The following SEL1L2 variants were observed in gnomAD, a reference collection of about 807,000 sequenced individuals.
SEL1L2 encodes the protein protein sel-1 homolog 2.
SEL1L2 carries 89 observed loss-of-function variants against 98.8 expected under a neutral mutation model. The observed-to-expected ratio is 0.90, with a 90% CI of 0.76 to 1.07. The LOEUF (loss-of-function observed/expected upper bound fraction) is 1.07. Ranked by LOEUF, SEL1L2 falls within the 50% of genes least tolerant of loss-of-function variation. SEL1L2 has a pLI of 0.00. For missense variants in SEL1L2, 788 were observed against 812.0 expected, an observed-to-expected ratio of 0.97 and a Z score of 0.36; for synonymous variants, 262 against 278.5, an observed-to-expected ratio of 0.94 and a Z score of 0.59.
intron 15 of SEL1L2, among the ~76,000 whole-genome samples, chr20:13,865,812 G>A (rs1434961370): frequency 7.1e-6 from 1 of 140,338 alleles, no homozygotes; most frequent in Non-Finnish European, 1.6e-5. Flanking sequence ...GAATAAGAAT[G>A]TATCGCTAGT....
chr20:13,853,533 C>T (rs567133165), intron 18 of SEL1L2, among the ~76,000 whole-genome samples: 31 of 152,214 alleles, frequency 2.0e-4, no homozygotes, highest in African/African-American at 5.5e-4. Context: ...ATATTTTTAA[C>T]GGTTGCAGAG....
At chr20:13,984,043 TCTCTGTCACCCAGG>T (rs2052012470) in intron 1 of SEL1L2, among the ~76,000 whole-genome samples, 1 of 149,204 alleles carries the variant, frequency 6.7e-6, no homozygotes, top group African/African-American at 2.5e-5. Flanking sequence ...TGAGTTGAAG[TCTCTGTCACCCAGG>T]CTTGAGTGCA....
At position 13,956,142 on chromosome 20, in the gene SEL1L2, CA is replaced by C; in HGVS notation, c.59-12del. ...CCTCTGCTTTGATAGCTGCAATACA[CA>C]AAATTTTTTTATAAAATTTAAAAGC... On this transcript the variant is annotated splice_polypyrimidine_tract_variant and intron_variant, in intron 1 of 19. Transcript: ENST00000284951. 1 of 1,429,734 alleles carries C rather than the reference CA, an allele frequency of 7.0e-7. No homozygotes were observed. The highest frequency in any genetic ancestry group is 9.5e-7 in the Non-Finnish European group (1 of 1,051,864). The allele number at this position is 1,429,734 out of a possible 1,614,324, so 88.6% of individuals were successfully genotyped here.
chr20:13,987,163 A>AT (rs1232999687), intron 1 of SEL1L2, among the ~76,000 whole-genome samples: 2 of 151,790 alleles, frequency 1.3e-5, no homozygotes, highest in Non-Finnish European at 2.9e-5. Flanking sequence ...CACCGCAATT[A>AT]TTTTTGCACC....
At chr20:13,939,041 T>G (rs6135029) in intron 2 of SEL1L2, among the ~76,000 whole-genome samples, 876 of 6,526 alleles carry the variant, frequency 0.13, 54 homozygotes, top group Non-Finnish European at 0.2. Context: ...GCTTGTTTTG[T>G]TTTTTTTTTT....
intron 12 of SEL1L2, among the ~76,000 whole-genome samples, chr20:13,873,025 C>G (rs1321853462): frequency 2.0e-5 from 3 of 149,472 alleles, no homozygotes; most frequent in African/African-American, 7.4e-5. Flanking sequence ...GACTCTTGCT[C>G]TATCACCCAT....
intron 12 of SEL1L2, 158 bp from the exon 13 acceptor site, chr20:13,870,361 T>C (rs1002104269): frequency 5.3e-6 from 3 of 561,896 alleles, no homozygotes; most frequent in African/African-American, 3.8e-5. Context: ...CCTTTTATAC[T>C]TTCATAAACC....
chr20:13,881,675 T>C (rs1291255359), intron 10 of SEL1L2, among the ~76,000 whole-genome samples: 1 of 152,164 alleles, frequency 6.6e-6, no homozygotes, highest in East Asian at 1.9e-4. Flanking sequence ...TGACAACTCA[T>C]GAGAGAGATT....
chr20:13,895,266 A>T (rs904147191), intron 5 of SEL1L2, among the ~76,000 whole-genome samples: 1 of 152,096 alleles, frequency 6.6e-6, no homozygotes, highest in Non-Finnish European at 1.5e-5. Flanking sequence ...AACATGGCAA[A>T]ACCTTGTCTC....
At chr20:13,878,883 G>A (rs1282438811) in intron 10 of SEL1L2, among the ~76,000 whole-genome samples, 2 of 152,184 alleles carry the variant, frequency 1.3e-5, no homozygotes, top group South Asian at 2.1e-4. Flanking sequence ...CAGTGAGATA[G>A]TAGGTAATAG....
intron 5 of SEL1L2, among the ~76,000 whole-genome samples, chr20:13,897,827 T>C (rs1188793372): frequency 6.6e-6 from 1 of 151,856 alleles, no homozygotes; most frequent in East Asian, 1.9e-4. Context: ...ATCGTGCCAC[T>C]GCACTCCAGC....
chr20:13,880,381 T>C (rs187553989), intron 10 of SEL1L2, among the ~76,000 whole-genome samples: 1 of 152,214 alleles, frequency 6.6e-6, no homozygotes, highest in Non-Finnish European at 1.5e-5. Context: ...CCTAAAGGAA[T>C]TGAGACTCTG....
rs778420101 is a variant in SEL1L2 at position 13,885,372 on chromosome 20, C to A, written c.932G>T (p.Arg311Met). The change falls in exon 10 of 20, where the codon AGG (arginine) becomes ATG (methionine). Residue 311 changes from arginine to methionine, a missense_variant. Transcript: ENST00000284951. Reference protein sequence around the residue: ...VSLGQLHLIGRKGLDQDYYKA... With the variant: ...VSLGQLHLIGMKGLDQDYYKA... ...GTAGTAATCCTGATCTAGACCTTTC[C>A]TGCCAATTAGATGTAATTGTCCAAG... 3 of 1,605,884 alleles carry A rather than the reference C, an allele frequency of 1.9e-6. No homozygotes were observed. In the Admixed American group the frequency reaches 5.0e-5, roughly 27 times the overall value.
At chr20:13,970,658 C>G (rs2051243485) in intron 1 of SEL1L2, among the ~76,000 whole-genome samples, 1 of 152,060 alleles carries the variant, frequency 6.6e-6, no homozygotes, top group African/African-American at 2.4e-5. Context: ...CATGGTGAAA[C>G]ATTGTCTCTA....
chr20:13,851,765 C>T (rs1988297786), intron 18 of SEL1L2, among the ~76,000 whole-genome samples: 1 of 151,990 alleles, frequency 6.6e-6, no homozygotes. Flanking sequence ...TTTTCACAAA[C>T]TGTGGTCATC....
At position 13,865,260 on chromosome 20, in the gene SEL1L2, C is replaced by T; in HGVS notation, c.1571-19G>A. 1 of 1,611,678 alleles carries T rather than the reference C, an allele frequency of 6.2e-7. No individual in the cohort carries two copies. Reference sequence around the variant, plus strand: ...GCCTTTTCTAAAAAGAGGAGACATTCCATTAGGAAGGCTTAAAATGCCTCT... The same window carrying T: ...GCCTTTTCTAAAAAGAGGAGACATTTCATTAGGAAGGCTTAAAATGCCTCT... On this transcript the variant is annotated intron_variant, in intron 16 of 19. Transcript: ENST00000284951.
intron 1 of SEL1L2, among the ~76,000 whole-genome samples, chr20:13,984,258 C>T (rs1003986916): frequency 6.6e-6 from 1 of 152,082 alleles, no homozygotes; most frequent in African/African-American, 2.4e-5. Context: ...GTGATCTGCC[C>T]GCCTTGGCCT....
intron 9 of SEL1L2, among the ~76,000 whole-genome samples, chr20:13,885,724 G>A (rs879718230): frequency 4.6e-5 from 7 of 152,250 alleles, no homozygotes; most frequent in Admixed American, 4.6e-4. Flanking sequence ...CTGGATTGCC[G>A]TAGTTTATTC....
chr20:13,966,261 GTGTT>G (rs1420139580), intron 1 of SEL1L2, among the ~76,000 whole-genome samples: 1 of 152,036 alleles, frequency 6.6e-6, no homozygotes, highest in Non-Finnish European at 1.5e-5. Flanking sequence ...TCATCAATTG[GTGTT>G]TGTTTTCTTC....
Sources: allele counts gnomAD v4.1 joint callset (sites outside exome capture counted in the v4.1 genomes callset), GRCh38; gene constraint gnomAD v4.1.1; transcripts MANE v1.5; gene names NCBI Gene and HGNC (gene_info 2026-07-23, HGNC 2026-07-21).